Variants in RB1CC1 observed in about 807,000 individuals in gnomAD.
RB1CC1 encodes the protein RB1-inducible coiled-coil protein 1.
In RB1CC1, 46 loss-of-function variants were observed where a neutral mutation model predicts 177.5. That is an observed-to-expected ratio of 0.26 (90% confidence interval 0.20 to 0.33). RB1CC1 has a LOEUF of 0.33. RB1CC1 is among the 10% of genes least tolerant of loss of function. The pLI, the probability that RB1CC1 is intolerant of heterozygous loss-of-function variation, is 1.00. For synonymous variants in RB1CC1, 666 were observed against 613.6 expected (o/e 1.09, Z -1.26); for missense variants, 1,703 against 1,816.3 (o/e 0.94, Z 1.13).
At chr8:52,678,532 C>G (rs1159599686) in intron 5 of RB1CC1, among the ~76,000 whole-genome samples, 1 of 152,108 alleles carries the variant, frequency 6.6e-6, no homozygotes, top group Non-Finnish European at 1.5e-5. Flanking sequence ...GTGTGTATAT[C>G]AAAGTCTAGG....
At position 52,642,372 on chromosome 8, in the gene RB1CC1, T is replaced by G; in HGVS notation, c.4316A>C (p.Glu1439Ala). The G allele has an allele frequency of 6.2e-7, 1 of 1,614,008 alleles. No individual in the cohort carries two copies. Among genetic ancestry groups the G allele is most frequent in the Admixed American group, 1.7e-5 (1 of 60,008 alleles). ...ADEGRVDSAM[E>A]TSMMSVQENI... ...TTACTGTACAGACATCATGCTTGTC[T>G]CCATTGCTGAATCCACTCTTCCTTC... Residue 1439 changes from glutamate (E) to alanine (A), a missense_variant, in exon 18 of 24, where the codon GAG becomes GCG. This residue lies in a region of RB1CC1 where 1,169 missense variants were observed against 1,184.7 expected (regional missense o/e 0.99). Coordinates refer to ENST00000025008, the MANE Select transcript of RB1CC1 (RefSeq NM_014781.5).
chr8:52,670,511 C>T (rs376016958), intron 7 of RB1CC1, among the ~76,000 whole-genome samples: 2 of 152,234 alleles, frequency 1.3e-5, no homozygotes, highest in Non-Finnish European at 2.9e-5. Flanking sequence ...TTTAAACCCA[C>T]TCCCCTGCAT....
rs773715437 is a variant in RB1CC1, at chr8:52,622,607, ATTATT to A, written c.*1170_*1174del. The A allele has an allele frequency of 6.6e-5, 10 of 152,014 alleles. No individual in the cohort carries two copies. The highest frequency in any genetic ancestry group is 1.5e-4 in the Non-Finnish European group (10 of 67,576). The allele number at this position is 152,014 out of a possible 1,614,324, so 9.4% of individuals were successfully genotyped here. A position where few individuals can be genotyped will look rare whatever the true frequency, so the allele number is the denominator to read the frequency against. On this transcript the variant is annotated 3_prime_UTR_variant, in exon 24 of 24. Transcript: ENST00000025008. ...GAAATTAAATATTTTCTGAAAAAGA[ATTATT>A]TTATTATTGTTCTCTAGCAACAAAC...
At chr8:52,675,714 C>CAAAAAAAAAAAAA (rs1306544323) in intron 6 of RB1CC1, among the ~76,000 whole-genome samples, 3 of 61,270 alleles carry the variant, frequency 4.9e-5, no homozygotes, top group African/African-American at 6.9e-5. Context: ...ACTAAAAATC[C>CAAAAAAAAAAAAA]AAAAAAAAAA....
rs759864788 is a variant in RB1CC1, at chr8:52,657,060, T to C, written c.2769A>G (p.Val923=). 3.1e-6 allele frequency: 5 copies of C among 1,612,396 alleles called. No individual in the cohort carries two copies. In the South Asian group the frequency reaches 5.5e-5, roughly 18 times the overall value. ...FALVKHEKEA[V]ICLQNEKDQK... is the part of the protein sequence containing the mutation. The stretch of plus-strand genomic sequence containing the variant: ...GATCCTTTTCATTCTGCAGGCAGAT[T>C]ACAGCTTCTTTTTCATGTTTAACCA... The change falls in exon 15 of 24, where the codon GTA becomes GTG. Residue 923 remains valine (V), a synonymous_variant. Coordinates refer to ENST00000025008, the MANE Select transcript of RB1CC1 (RefSeq NM_014781.5).
intron 1 of RB1CC1, among the ~76,000 whole-genome samples, chr8:52,693,942 TAAGAA>T (rs1563454417): frequency 6.6e-6 from 1 of 152,176 alleles, no homozygotes; most frequent in Non-Finnish European, 1.5e-5. Flanking sequence ...ACTTAAAATT[TAAGAA>T]AAGAAAAGGT....
intron 15 of RB1CC1, among the ~76,000 whole-genome samples, chr8:52,655,361 C>T (rs181478657): frequency 2.0e-5 from 3 of 152,158 alleles, no homozygotes; most frequent in Admixed American, 2.0e-4. Flanking sequence ...TACTGGGTCA[C>T]AAAACCCAAT....
chr8:52,641,404 A>AT (rs56214958), intron 18 of RB1CC1, among the ~76,000 whole-genome samples: 4 of 144,936 alleles, frequency 2.8e-5, no homozygotes, highest in Admixed American at 2.7e-4. Flanking sequence ...AAAAAAAAAA[A>AT]TTAAAATAAA....
chr8:52,676,518 A>G lies in RB1CC1; in HGVS notation c.423T>C (p.His141=). ...AGCCTTGGTGTTGAAGATGTTCATCATGTACAAGACCTTCACAAAAAGAAC... is the reference window on the plus strand; with the variant it reads ...AGCCTTGGTGTTGAAGATGTTCATCGTGTACAAGACCTTCACAAAAAGAAC... The part of the protein sequence containing the change: ...KLCSFCEGLV[H]DEHLQHQGWA... Residue 141 remains histidine, a synonymous_variant, in exon 6 of 24, where the codon CAT becomes CAC. Coordinates refer to ENST00000025008, the MANE Select transcript of RB1CC1 (RefSeq NM_014781.5). The G allele has an allele frequency of 6.2e-7, 1 of 1,613,642 alleles. No individual in the cohort carries two copies. The highest frequency in any genetic ancestry group is 8.5e-7 in the Non-Finnish European group (1 of 1,179,872).
rs191125419 is a variant in RB1CC1, at chr8:52,668,659, T to C, written c.1003-468A>G. 4.1e-3 allele frequency among the ~76,000 whole-genome samples: 617 copies of C among 152,268 alleles called. 6 individuals carry two copies. The highest frequency in any genetic ancestry group is 0.014 in the African/African-American group (591 of 41,552). ...TCAATTATGCTTTCTCACTCTTCCATCTCTCCTGTTCCCTGGCTCTAATTC... is the reference window on the plus strand; with the variant it reads ...TCAATTATGCTTTCTCACTCTTCCACCTCTCCTGTTCCCTGGCTCTAATTC... On this transcript the variant is annotated intron_variant, in intron 7 of 23. Coordinates refer to ENST00000025008, the MANE Select transcript of RB1CC1 (RefSeq NM_014781.5).
intron 16 of RB1CC1, among the ~76,000 whole-genome samples, chr8:52,644,458 C>T (rs1436621041): frequency 1.3e-5 from 2 of 152,112 alleles, no homozygotes; most frequent in African/African-American, 2.4e-5. Flanking sequence ...AGAGACAATG[C>T]AACACAAGGA....
chr8:52,690,385 G>C (rs1854728017), intron 1 of RB1CC1, among the ~76,000 whole-genome samples: 1 of 152,188 alleles, frequency 6.6e-6, no homozygotes, highest in Admixed American at 6.5e-5. Context: ...GGAAAAAACA[G>C]ACATAGTCTT....
At chr8:52,704,816 T>C (rs1856411210) in intron 1 of RB1CC1, among the ~76,000 whole-genome samples, 1 of 152,192 alleles carries the variant, frequency 6.6e-6, no homozygotes, top group African/African-American at 2.4e-5. Context: ...CTTATATAAA[T>C]AAGCCTAGTA....
chr8:52,641,960 A>AAAT (rs140961129), intron 18 of RB1CC1, among the ~76,000 whole-genome samples: 3,590 of 151,764 alleles, frequency 0.024, 154 homozygotes, highest in African/African-American at 0.081. Flanking sequence ...ATGAATAAAC[A>AAAT]AATAATAATA....
At chr8:52,654,941 A>C (rs536019139) in intron 15 of RB1CC1, among the ~76,000 whole-genome samples, 1 of 152,068 alleles carries the variant, frequency 6.6e-6, no homozygotes, top group Non-Finnish European at 1.5e-5. Flanking sequence ...TTCAGAATTG[A>C]GCCTAGTTCT....
At chr8:52,669,774 C>G (rs1852388943) in intron 7 of RB1CC1, among the ~76,000 whole-genome samples, 1 of 152,164 alleles carries the variant, frequency 6.6e-6, no homozygotes, top group Non-Finnish European at 1.5e-5. Context: ...AAAACTGGTT[C>G]AAATGTTCAA....
intron 1 of RB1CC1, among the ~76,000 whole-genome samples, chr8:52,689,363 C>T (rs1854601602): frequency 6.6e-6 from 1 of 152,054 alleles, no homozygotes; most frequent in Non-Finnish European, 1.5e-5. Flanking sequence ...TATTTCTATC[C>T]CTACTGCCTT....
intron 20 of RB1CC1, among the ~76,000 whole-genome samples, chr8:52,632,620 T>C (rs928713028): frequency 6.6e-6 from 1 of 152,212 alleles, no homozygotes; most frequent in Admixed American, 6.5e-5. Context: ...GTGATTTACA[T>C]TTGGACACCT....
chr8:52,647,654 G>A (rs1850173077), intron 15 of RB1CC1, among the ~76,000 whole-genome samples: 1 of 152,174 alleles, frequency 6.6e-6, no homozygotes, highest in Non-Finnish European at 1.5e-5. Flanking sequence ...TCTAAGGTAA[G>A]CTGAAACTTT....
Sources: allele counts gnomAD v4.1 joint callset (sites outside exome capture counted in the v4.1 genomes callset), GRCh38; gene constraint gnomAD v4.1.1; regional missense constraint gnomAD v4.1.1; transcripts MANE v1.5; gene names NCBI Gene and HGNC (gene_info 2026-07-23, HGNC 2026-07-21).